ANKS1B: variants seen among roughly 807,000 people sequenced by gnomAD.
The protein encoded by ANKS1B is ankyrin repeat and sterile alpha motif domain-containing protein 1B.
A neutral mutation model predicts 148.3 loss-of-function variants in ANKS1B; 36 were observed. The observed-to-expected ratio is 0.24, with a 90% CI of 0.19 to 0.32. ANKS1B has a LOEUF of 0.32. ANKS1B is among the 10% of genes least tolerant of loss of function. The pLI is 1.00. For synonymous variants in ANKS1B, 542 were observed against 560.8 expected (o/e 0.97, Z 0.47); for missense variants, 1,157 against 1,542.6 (o/e 0.75, Z 4.19).
chr12:99,201,473 T>C (rs1162896008), intron 14 of ANKS1B, among the ~76,000 whole-genome samples: 1 of 152,158 alleles, frequency 6.6e-6, no homozygotes, highest in African/African-American at 2.4e-5. Context: ...TGGGTATAGA[T>C]TTAGTTTTTT....
At chr12:99,197,900 C>T (rs182657113) in intron 14 of ANKS1B, among the ~76,000 whole-genome samples, 2 of 152,186 alleles carry the variant, frequency 1.3e-5, no homozygotes. Flanking sequence ...GGTAATTTGT[C>T]ACAGCAATAA....
At chr12:99,921,726 A>G (rs988909771) in intron 1 of ANKS1B, among the ~76,000 whole-genome samples, 2 of 152,362 alleles carry the variant, frequency 1.3e-5, no homozygotes, top group East Asian at 3.9e-4. Flanking sequence ...TGACATAAAC[A>G]GTGAAAGATC....
chr12:98,931,159 T>A (rs1371153385), intron 17 of ANKS1B, among the ~76,000 whole-genome samples: 1 of 152,136 alleles, frequency 6.6e-6, no homozygotes, highest in African/African-American at 2.4e-5. Flanking sequence ...TGGACACTGG[T>A]GACTTGAGTT....
At chr12:98,777,797 A>G (rs922970545) in intron 24 of ANKS1B, among the ~76,000 whole-genome samples, 1 of 152,214 alleles carries the variant, frequency 6.6e-6, no homozygotes, top group Non-Finnish European at 1.5e-5. Flanking sequence ...AAACCCATTT[A>G]TTTATTATAA....
chr12:99,461,065 T>TATATATATATACAC (rs1555442770), intron 10 of ANKS1B, among the ~76,000 whole-genome samples: 1 of 141,070 alleles, frequency 7.1e-6, no homozygotes, highest in African/African-American at 3.2e-5. Flanking sequence ...TATATATATA[T>TATATATATATACAC]ACACATACAC....
At chr12:99,845,977 TA>T (rs1204396160) in intron 1 of ANKS1B, among the ~76,000 whole-genome samples, 1 of 152,116 alleles carries the variant, frequency 6.6e-6, no homozygotes, top group Non-Finnish European at 1.5e-5. Context: ...ATTATTATTT[TA>T]AAAAATTGAC....
At chr12:99,027,248 T>C (rs915990758) in intron 17 of ANKS1B, among the ~76,000 whole-genome samples, 7 of 152,362 alleles carry the variant, frequency 4.6e-5, no homozygotes, top group African/African-American at 1.7e-4. Flanking sequence ...TGGGTCTTGT[T>C]ACTGGAAATA....
At chr12:99,924,069 T>C (rs2094429970) in intron 1 of ANKS1B, among the ~76,000 whole-genome samples, 1 of 152,180 alleles carries the variant, frequency 6.6e-6, no homozygotes, top group Admixed American at 6.5e-5. Context: ...GTACCTCACT[T>C]ACCCCTAGTC....
At chr12:99,964,001 C>T (rs894093289) in intron 1 of ANKS1B, among the ~76,000 whole-genome samples, 1 of 152,078 alleles carries the variant, frequency 6.6e-6, no homozygotes, top group African/African-American at 2.4e-5. Context: ...TACTAAAATT[C>T]TTGAGAATGC....
intron 8 of ANKS1B, among the ~76,000 whole-genome samples, chr12:99,766,702 T>G (rs946395979): frequency 6.6e-6 from 1 of 152,150 alleles, no homozygotes; most frequent in African/African-American, 2.4e-5. Context: ...GTTAGAATGT[T>G]CTTTTGAACA....
chr12:99,855,891 A>T (rs1407305331), intron 1 of ANKS1B, among the ~76,000 whole-genome samples: 2 of 152,124 alleles, frequency 1.3e-5, no homozygotes, highest in African/African-American at 4.8e-5. Context: ...ACCTATCAAA[A>T]CCTCTGGGAT....
intron 1 of ANKS1B, among the ~76,000 whole-genome samples, chr12:99,854,267 C>T (rs2088589249): frequency 6.6e-6 from 1 of 152,176 alleles, no homozygotes; most frequent in African/African-American, 2.4e-5. Flanking sequence ...CCATCTCGGC[C>T]TCCCAAAGTG....
chr12:99,704,328 G>A (rs1341180925), intron 8 of ANKS1B, among the ~76,000 whole-genome samples: 3 of 151,944 alleles, frequency 2.0e-5, no homozygotes, highest in Non-Finnish European at 2.9e-5. Context: ...AGATGATTGG[G>A]ATGCTCATGT....
chr12:99,555,835 C>A (rs2097270397), intron 9 of ANKS1B, among the ~76,000 whole-genome samples: 1 of 152,078 alleles, frequency 6.6e-6, no homozygotes, highest in Non-Finnish European at 1.5e-5. Flanking sequence ...ATTTGGTTTT[C>A]TAGTATTTTG....
intron 10 of ANKS1B, among the ~76,000 whole-genome samples, chr12:99,448,617 T>A (rs1403780439): frequency 2.0e-5 from 3 of 152,150 alleles, no homozygotes; most frequent in Non-Finnish European, 2.9e-5. Flanking sequence ...CATATGCTAA[T>A]CAGTTCAATT....
chr12:99,171,956 G>A (rs1280808256), intron 14 of ANKS1B, among the ~76,000 whole-genome samples: 1 of 152,078 alleles, frequency 6.6e-6, no homozygotes, highest in Non-Finnish European at 1.5e-5. Flanking sequence ...AGAATGATCA[G>A]TATTATATTA....
chr12:99,881,055 A>C (rs2092448945), intron 1 of ANKS1B, among the ~76,000 whole-genome samples: 1 of 152,196 alleles, frequency 6.6e-6, no homozygotes, highest in Admixed American at 6.5e-5. Context: ...AGAAGACCAG[A>C]ATTCAAAGTA....
intron 15 of ANKS1B, among the ~76,000 whole-genome samples, chr12:99,122,507 C>G (rs573933962): frequency 1.4e-4 from 21 of 152,258 alleles, no homozygotes; most frequent in African/African-American, 4.6e-4. Context: ...GTAGGTGTTT[C>G]GAGTAACTAA....
chr12:98,958,973 A>G (rs1050711172), intron 17 of ANKS1B, among the ~76,000 whole-genome samples: 3 of 152,338 alleles, frequency 2.0e-5, no homozygotes, highest in East Asian at 1.9e-4. Context: ...TAATAATTAT[A>G]ACAGCTTAAT....
Sources: allele counts gnomAD v4.1 joint callset (sites outside exome capture counted in the v4.1 genomes callset), GRCh38; gene constraint gnomAD v4.1.1; transcripts MANE v1.5; gene names NCBI Gene and HGNC (gene_info 2026-07-23, HGNC 2026-07-21).